The following ENKUR variants were observed in gnomAD, a reference collection of about 807,000 sequenced individuals.
The protein encoded by ENKUR is enkurin.
In ENKUR, 19 loss-of-function variants were observed where a neutral mutation model predicts 27.6. The observed-to-expected ratio is 0.69, with a 90% confidence interval of 0.48 to 1.01. The LOEUF (loss-of-function observed/expected upper bound fraction) is 1.01. Ranked by LOEUF, ENKUR falls within the 50% of genes least tolerant of loss-of-function variation. ENKUR has a pLI of 0.00. For synonymous variants in ENKUR, 117 were observed against 96.9 expected (o/e 1.21, Z -1.22); for missense variants, 312 against 310.5 (o/e 1.00, Z -0.04).
At chr10:25,051,483 G>C (rs1201638562) in intron 2 of ENKUR, among the ~76,000 whole-genome samples, 2 of 152,290 alleles carry the variant, frequency 1.3e-5, no homozygotes, top group East Asian at 3.9e-4. Flanking sequence ...AAGGCCTCTG[G>C]AAGCTTATAA....
chr10:25,006,819 A>G (rs546628940), intron 1 of ENKUR, among the ~76,000 whole-genome samples: 3 of 152,304 alleles, frequency 2.0e-5, no homozygotes, highest in African/African-American at 4.8e-5. Flanking sequence ...GAGCTTTGGT[A>G]TTAGATTTGT....
chr10:25,030,463 G>A (rs12764066), intron 2 of ENKUR, among the ~76,000 whole-genome samples: 1 of 152,040 alleles, frequency 6.6e-6, no homozygotes, highest in Non-Finnish European at 1.5e-5. Flanking sequence ...CCAACTTCTA[G>A]GTTCTCTTAT....
chr10:25,002,841 C>A (rs1406989588), intron 1 of ENKUR, among the ~76,000 whole-genome samples: 3 of 151,838 alleles, frequency 2.0e-5, no homozygotes, highest in East Asian at 1.9e-4. Flanking sequence ...ATGTTCAAAC[C>A]AAATCTGTGC....
At chr10:25,025,214 C>A (rs1404954156) in intron 2 of ENKUR, 1 of 1,614,208 alleles carries the variant, frequency 6.2e-7, no homozygotes, top group South Asian at 1.1e-5. Context: ...ATTATCTCAT[C>A]TACAGCCCAT....
At chr10:25,061,035 C>T in intron 2 of ENKUR, 1 of 1,389,644 alleles carries the variant, frequency 7.2e-7, no homozygotes, top group Non-Finnish European at 9.9e-7. Flanking sequence ...TTAGATGAGA[C>T]AAGGATATCT....
chr10:25,035,623 G>A (rs1850999214), intron 2 of ENKUR, among the ~76,000 whole-genome samples: 1 of 152,002 alleles, frequency 6.6e-6, no homozygotes, highest in Non-Finnish European at 1.5e-5. Flanking sequence ...AGTGACCAGA[G>A]ATTTGGTCTT....
intron 2 of ENKUR, among the ~76,000 whole-genome samples, chr10:25,028,213 T>C (rs1004119523): frequency 7.9e-5 from 12 of 152,244 alleles, no homozygotes; most frequent in Non-Finnish European, 1.8e-4. Context: ...ATTTTCTTAC[T>C]GGCCAAAATA....
intron 2 of ENKUR, among the ~76,000 whole-genome samples, chr10:25,034,336 A>G (rs1036348420): frequency 6.6e-6 from 1 of 152,104 alleles, no homozygotes; most frequent in African/African-American, 2.4e-5. Context: ...CAATTACCCT[A>G]TGGGTTTTAG....
intron 2 of ENKUR, among the ~76,000 whole-genome samples, chr10:25,042,455 C>T (rs1355314093): frequency 2.0e-5 from 3 of 152,066 alleles, no homozygotes; most frequent in East Asian, 3.9e-4. Context: ...CCACCACACC[C>T]GGCTAAATTT....
chr10:25,024,436 G>T (rs770557298), intron 2 of ENKUR: 4 of 1,614,018 alleles, frequency 2.5e-6, no homozygotes, highest in Non-Finnish European at 3.4e-6. Flanking sequence ...AGCTGTGGTT[G>T]CATTTTTTCC....
At chr10:25,055,004 G>A (rs1851237144) in intron 2 of ENKUR, among the ~76,000 whole-genome samples, 1 of 152,114 alleles carries the variant, frequency 6.6e-6, no homozygotes, top group Non-Finnish European at 1.5e-5. Flanking sequence ...TTTTTGAGGT[G>A]AGGAAGAGAG....
At chr10:24,990,187 G>T (rs915945501) in intron 4 of ENKUR, among the ~76,000 whole-genome samples, 3 of 152,092 alleles carry the variant, frequency 2.0e-5, no homozygotes, top group African/African-American at 7.2e-5. Context: ...ATGCATGTTC[G>T]TTGTAGAGGA....
chr10:25,032,872 G>A (rs928791768), intron 2 of ENKUR, among the ~76,000 whole-genome samples: 6 of 152,064 alleles, frequency 3.9e-5, no homozygotes, highest in African/African-American at 1.4e-4. Context: ...AATCGTTTCT[G>A]GTGCTAGCCT....
chr10:24,998,564 G>A (rs7075327), intron 2 of ENKUR, among the ~76,000 whole-genome samples: 4,375 of 151,564 alleles, frequency 0.029, 141 homozygotes, highest in African/African-American at 0.079. Flanking sequence ...TAATTTTTTT[G>A]TACGGACGGG....
rs778638902 is a variant in ENKUR, at chr10:25,023,856, G to A, written c.38-27987C>T. ...GTGAAAGTGGGGCTTCCCCAGAGGA[G>A]GTAGCTGACAAAGTGCTGAATGCAA... On this transcript the variant is annotated intron_variant, in intron 2 of 5. Coordinates refer to the ENKUR transcript ENST00000615958. 13 of 1,614,066 alleles carry A rather than the reference G, an allele frequency of 8.1e-6. No homozygotes were observed. In the South Asian group the frequency reaches 1.2e-4, roughly 15 times the overall value.
chr10:25,014,999 C>T (rs1467586153), intron 1 of ENKUR, among the ~76,000 whole-genome samples: 2 of 152,114 alleles, frequency 1.3e-5, no homozygotes, highest in Non-Finnish European at 2.9e-5. Flanking sequence ...TTGCTAGGCC[C>T]GATTTTTAGT....
At chr10:25,020,149 A>C (rs1156616748), upstream of ENKUR, among the ~76,000 whole-genome samples, 1 of 152,028 alleles carries the variant, frequency 6.6e-6, no homozygotes, top group Non-Finnish European at 1.5e-5. Context: ...TATAGCACTT[A>C]ACTGCCTTCT....
chr10:25,051,078 A>G lies in ENKUR; in HGVS notation c.37+10034T>C, dbSNP rs1033927236. ...TGTATTTTATGTATCCTTGGAACTT[A>G]CAAGTTTCTGCACTTAAAACAGTAC... On this transcript the variant is annotated intron_variant, in intron 2 of 5. Transcript: ENST00000615958. Among the ~76,000 whole-genome samples, 9 of 152,210 alleles carry G rather than the reference A, an allele frequency of 5.9e-5. 1 individual carries two copies. The highest frequency in any genetic ancestry group is 5.9e-4 in the Admixed American group (9 of 15,278).
chr10:25,037,534 C>A (rs1445830140), intron 2 of ENKUR, among the ~76,000 whole-genome samples: 3 of 152,024 alleles, frequency 2.0e-5, no homozygotes, highest in African/African-American at 4.8e-5. Context: ...AAATGATTTC[C>A]AAACCCTCTT....
Sources: allele counts gnomAD v4.1 joint callset (sites outside exome capture counted in the v4.1 genomes callset), GRCh38; gene constraint gnomAD v4.1.1; transcripts MANE v1.5; gene names NCBI Gene and HGNC (gene_info 2026-07-23, HGNC 2026-07-21).